The following CDSN variants were observed in gnomAD, a reference collection of about 807,000 sequenced individuals.
CDSN encodes corneodesmosin.
Under a neutral mutation model 25.6 loss-of-function variants are expected in CDSN, and 11 were observed. That is an observed-to-expected ratio of 0.43 (90% CI 0.27 to 0.71). The LOEUF (loss-of-function observed/expected upper bound fraction) is 0.71. Ranked by LOEUF, CDSN falls within the 30% of genes least tolerant of loss-of-function variation. CDSN has a pLI of 0.20. For missense variants in CDSN, 598 were observed against 670.9 expected (o/e 0.89, Z 1.20); for synonymous variants, 266 against 267.4 (o/e 0.99, Z 0.05).
At chr6:31,119,034 G>A (rs62400585) in intron 1 of CDSN, among the ~76,000 whole-genome samples, 3,779 of 151,816 alleles carry the variant, frequency 0.025, 68 homozygotes, top group East Asian at 0.066. Flanking sequence ...AGTAGAGAGG[G>A]GGTTTCACCA....
chr6:31,117,678 T>C, intron 1 of CDSN, 149 bp from the exon 2 acceptor site: 3 of 704,534 alleles, frequency 4.3e-6, no homozygotes, highest in Non-Finnish European at 5.0e-6. Context: ...AAGAACTGGC[T>C]ATTGTCTCTA....
chr6:31,115,406 G>A lies in CDSN; in HGVS notation c.*619C>T, dbSNP rs1235292620. ...CACTGAGGGAAGTGGCCACAGGAAGGGGCTGAGATAAGGGCCTTGAGAGGC... is the reference window on the plus strand; with the variant it reads ...CACTGAGGGAAGTGGCCACAGGAAGAGGCTGAGATAAGGGCCTTGAGAGGC... On this transcript the variant is annotated 3_prime_UTR_variant, in exon 2 of 2. Transcript: ENST00000376288. This position sits in a 1 kb window ranked among gnomAD's most constrained non-coding sequence, Gnocchi z 4.2. 5.8e-6 allele frequency: 1 copy of A among 173,016 alleles called. No individual in the cohort carries two copies. 10.7% of individuals were successfully genotyped at this position (173,016 alleles called of 1,614,324 possible). A position where few individuals can be genotyped will look rare whatever the true frequency, so the allele number is the denominator to read the frequency against.
At position 31,117,544 on chromosome 6, in the gene CDSN, A is replaced by C; in HGVS notation, c.86-15T>G. On this transcript the variant is annotated splice_polypyrimidine_tract_variant and intron_variant, in intron 1 of 1. Transcript: ENST00000376288. ...AGCCAAGGTCCCTGTGGAGGAAAGC[A>C]GTGGTTAGTAAGGGCCAAGGAGGCT... The C allele has an allele frequency of 6.5e-7, 1 of 1,549,004 alleles. No homozygotes were observed. The highest frequency in any genetic ancestry group is 8.7e-7 in the Non-Finnish European group (1 of 1,146,748).
Position 31,117,511 on chromosome 6 carries a change from A to C in CDSN, c.104T>G (p.Ile35Ser), listed in dbSNP as rs773099711. 7.1e-6 allele frequency: 11 copies of C among 1,550,690 alleles called. No individual in the cohort carries two copies. The highest frequency in any genetic ancestry group is 8.7e-6 in the Non-Finnish European group (10 of 1,147,314). ...LLLPGTLAKS[I>S]GTFSDPCKDP... ...CTTACAAGGGTCTGAGAAGGTGCCA[A>C]TGCTCTTAGCCAAGGTCCCTGTGGA... The change falls in exon 2 of 2, where the codon ATT becomes AGT. Residue 35 changes from isoleucine (I) to serine (S), a missense_variant. Physicochemically the swap from Ile to Ser is moderately radical, Grantham distance 142 (BLOSUM62 -2). Transcript: ENST00000376288.
intron 1 of CDSN, among the ~76,000 whole-genome samples, chr6:31,119,991 G>C (rs561755946): frequency 6.6e-6 from 1 of 152,108 alleles, no homozygotes; most frequent in Non-Finnish European, 1.5e-5. Flanking sequence ...CTCTAAAAAT[G>C]ATATTATTAC....
chr6:31,116,196 GC>G lies in CDSN; in HGVS notation c.1418del (p.Gly473AlafsTer31), dbSNP rs755064204. ...SSLTLTGGPD[G>X]SPHPDPSAGA... ...CAGCGGAGGGATCAGGATGGGGAGA[GC>G]CATCGGGGCCCCCAGTCAGTGTCAA... On this transcript the variant is annotated frameshift_variant, in exon 2 of 2. Transcript: ENST00000376288. LOFTEE classifies it high-confidence loss of function. 1.9e-6 allele frequency: 3 copies of G among 1,613,676 alleles called. No homozygotes were observed. The South Asian group carries it at 3.3e-5, about 18-fold the overall frequency.
At chr6:31,119,136 G>T (rs537069486) in intron 1 of CDSN, among the ~76,000 whole-genome samples, 3 of 152,174 alleles carry the variant, frequency 2.0e-5, no homozygotes, top group South Asian at 2.1e-4. Context: ...AAGCTATCAT[G>T]TGCGGCCAGA....
chr6:31,117,919 A>C, intron 1 of CDSN: 1 of 229,230 alleles, frequency 4.4e-6, no homozygotes, highest in Non-Finnish European at 8.6e-6. Context: ...GGCAACATAG[A>C]CCCCGTCTGT....
In CDSN at chr6:31,120,280, C is replaced by T. The variant is rs1485475167; in HGVS notation, c.85+55G>A. The T allele has an allele frequency of 2.9e-6, 4 of 1,373,736 alleles. No individual in the cohort carries two copies. The South Asian group carries it at 3.7e-5, about 13-fold the overall frequency. 85.1% of individuals were successfully genotyped at this position (1,373,736 alleles called of 1,614,324 possible). On this transcript the variant is annotated intron_variant, in intron 1 of 1. Coordinates refer to ENST00000376288, the MANE Select transcript of CDSN (RefSeq NM_001264.5). ...CTGCCTGTCCCCTTCGCTGGGTCCT[C>T]TCCCGGAGTCTCCCTCCCGCCTCCC...
In CDSN at chr6:31,117,326, T is replaced by A. The variant is rs1189169278; in HGVS notation, c.289A>T (p.Ile97Phe). The change falls in exon 2 of 2, where the codon ATT becomes TTT. Residue 97 changes from isoleucine (I) to phenylalanine (F), a missense_variant. Coordinates refer to ENST00000376288, the MANE Select transcript of CDSN (RefSeq NM_001264.5). ...GATCCTGCAGAACCACCCTGGGCAA[T>A]GCTGGATCCGCTGGAGCTACCACTG... The part of the protein sequence containing the change: ...GSSGSSSGSS[I>F]AQGGSAGSFK... 10 of 1,581,358 alleles carry A rather than the reference T, an allele frequency of 6.3e-6. No homozygotes were observed. The highest frequency in any genetic ancestry group is 6.0e-6 in the Non-Finnish European group (7 of 1,163,636).
rs759331023 is a variant in CDSN, at chr6:31,116,916, G to A, written c.699C>T (p.Val233=). 6.2e-7 allele frequency: 1 copy of A among 1,614,048 alleles called. No individual in the cohort carries two copies. Among genetic ancestry groups the A allele is most frequent in the African/African-American group, 1.3e-5 (1 of 74,936 alleles). ...PDSPCSGGPI[V]SHSGPYIPSS... is the part of the protein sequence containing the mutation. The stretch of plus-strand genomic sequence containing the variant: ...TGGGGATGTAGGGGCCGGAGTGCGA[G>A]ACGATGGGCCCTCCACTGCAGGGAG... The change falls in exon 2 of 2, where the codon GTC becomes GTT. Residue 233 remains valine, a synonymous_variant. Transcript: ENST00000376288.
rs1257325672 is a variant in CDSN, at chr6:31,116,461, G to A, written c.1154C>T (p.Thr385Met). Residue 385 changes from threonine (T) to methionine (M), a missense_variant, in exon 2 of 2, where the codon ACG becomes ATG. Transcript: ENST00000376288. Reference sequence around the variant, plus strand: ...GGGAGAGCAGGGTCCCTTGGAGCCCGTGGAGCCGCCTCCACAGAGCTGGAC... The same window carrying A: ...GGGAGAGCAGGGTCCCTTGGAGCCCATGGAGCCGCCTCCACAGAGCTGGAC... ...GGVQLCGGGS[T>M]GSKGPCSPSS... 10 of 1,595,452 alleles carry A rather than the reference G, an allele frequency of 6.3e-6. No individual in the cohort carries two copies. Among genetic ancestry groups the A allele is most frequent in the African/African-American group, 1.3e-5 (1 of 74,618 alleles).
chr6:31,116,989 T>G lies in CDSN; in HGVS notation c.626A>C (p.Gln209Pro), dbSNP rs1772174162. The change falls in exon 2 of 2, where the codon CAA becomes CCA. Residue 209 changes from glutamine to proline, a missense_variant. Gln to Pro is a moderately conservative substitution (Grantham distance 76). Coordinates refer to ENST00000376288, the MANE Select transcript of CDSN (RefSeq NM_001264.5). ...SQTFGVSSSGQSVSSNQRPCS... is the reference protein window; with the variant it reads ...SQTFGVSSSGPSVSSNQRPCS... The stretch of plus-strand genomic sequence containing the variant: ...GGGACGCTGGTTGGAGCTGACGCTT[T>G]GGCCACTGCTGGATACCCCAAAGGT... 1 of 1,614,088 alleles carries G rather than the reference T, an allele frequency of 6.2e-7. No homozygotes were observed.
rs765082620 is a variant in CDSN at position 31,116,919 on chromosome 6, G to C, written c.696C>G (p.Ile232Met). 36 of 1,614,128 alleles carry C rather than the reference G, an allele frequency of 2.2e-5. No individual in the cohort carries two copies. The highest frequency in any genetic ancestry group is 2.8e-5 in the Non-Finnish European group (33 of 1,179,980). Residue 232 changes from isoleucine to methionine, a missense_variant, in exon 2 of 2, where the codon ATC becomes ATG. By Grantham distance (10) the Ile-to-Met change is conservative. Coordinates refer to ENST00000376288, the MANE Select transcript of CDSN (RefSeq NM_001264.5). The part of the protein sequence containing the change: ...IPDSPCSGGP[I>M]VSHSGPYIPS... The stretch of plus-strand genomic sequence containing the variant: ...GGATGTAGGGGCCGGAGTGCGAGAC[G>C]ATGGGCCCTCCACTGCAGGGAGAGT...
chr6:31,119,229 A>G (rs907861974), intron 1 of CDSN, among the ~76,000 whole-genome samples: 21 of 152,126 alleles, frequency 1.4e-4, no homozygotes, highest in African/African-American at 4.8e-4. Flanking sequence ...CCAGACTGCC[A>G]TCCTCTGTGA....
At position 31,117,478 on chromosome 6, in the gene CDSN, G is replaced by A. The variant is rs1280456389; in HGVS notation, c.137C>T (p.Thr46Met). 13 of 1,552,888 alleles carry A rather than the reference G, an allele frequency of 8.4e-6. No individual in the cohort carries two copies. The highest frequency in any genetic ancestry group is 1.7e-4 in the Middle Eastern group (1 of 5,996). The part of the protein sequence containing the change: ...GTFSDPCKDP[T>M]RITSPNDPCL... ...GGGGTCGTTAGGGGAGGTGATACGC[G>A]TGGGGTCCTTACAAGGGTCTGAGAA... Residue 46 changes from threonine (T) to methionine (M), a missense_variant, in exon 2 of 2, where the codon ACG (threonine) becomes ATG (methionine). Physicochemically the swap from Thr to Met is moderately conservative, Grantham distance 81. Coordinates refer to ENST00000376288, the MANE Select transcript of CDSN (RefSeq NM_001264.5).
At position 31,115,905 on chromosome 6, in the gene CDSN, C is replaced by A; in HGVS notation, c.*120G>T. Reference sequence around the variant, plus strand: ...GGGTAGTGGAGAAAGCAGAACCACTCTTTTGGGAAGGAGGGAAACTGAGCT... The same window carrying A: ...GGGTAGTGGAGAAAGCAGAACCACTATTTTGGGAAGGAGGGAAACTGAGCT... On this transcript the variant is annotated 3_prime_UTR_variant, in exon 2 of 2. Transcript: ENST00000376288. The surrounding 1 kb of genome is among the most constrained non-coding windows in gnomAD (Gnocchi z 4.2). 1.1e-6 allele frequency: 1 copy of A among 883,096 alleles called. No homozygotes were observed. The highest frequency in any genetic ancestry group is 1.8e-6 in the Non-Finnish European group (1 of 542,908). The allele number at this position is 883,096 out of a possible 1,614,324, so 54.7% of individuals were successfully genotyped here.
At position 31,116,250 on chromosome 6, in the gene CDSN, A is replaced by T; in HGVS notation, c.1365T>A (p.Ser455=). 6.2e-7 allele frequency: 1 copy of T among 1,614,076 alleles called. No individual in the cohort carries two copies. Among genetic ancestry groups the T allele is most frequent in the Non-Finnish European group, 8.5e-7 (1 of 1,179,968 alleles). Reference sequence around the variant, plus strand: ...AGGAGACAGACATGCAAGGGTGACCAGAAGAGCTGGACTTGCTGCCACAAG... The same window carrying T: ...AGGAGACAGACATGCAAGGGTGACCTGAAGAGCTGGACTTGCTGCCACAAG... ...LQPCGSKSSS[S]GHPCMSVSSL... The change falls in exon 2 of 2, where the codon TCT becomes TCA. Residue 455 remains serine (S), a synonymous_variant. Transcript: ENST00000376288.
rs1772144513 is a variant in CDSN at position 31,116,650 on chromosome 6, C to A, written c.965G>T (p.Gly322Val). ...TYSKGKIYPVGYFTKENPVKG... is the reference protein window; with the variant it reads ...TYSKGKIYPVVYFTKENPVKG... ...CACAGGGTTCTCTTTGGTGAAGTAGCCCACAGGGTAGATTTTACCCTTACT... is the reference window on the plus strand; with the variant it reads ...CACAGGGTTCTCTTTGGTGAAGTAGACCACAGGGTAGATTTTACCCTTACT... Residue 322 changes from glycine (G) to valine (V), a missense_variant, in exon 2 of 2, where the codon GGC becomes GTC. Transcript: ENST00000376288. The A allele has an allele frequency of 6.2e-7, 1 of 1,612,760 alleles. No homozygotes were observed. Among genetic ancestry groups the A allele is most frequent in the South Asian group, 1.1e-5 (1 of 91,092 alleles).
Sources: gnomAD v4.1 joint callset for allele counts (sites outside exome capture counted in the v4.1 genomes callset) on GRCh38, gnomAD v4.1.1 for gene constraint, Gnocchi (gnomAD v3.1) non-coding constraint, MANE v1.5 for transcripts, NCBI Gene and HGNC (gene_info 2026-07-23, HGNC 2026-07-21) for gene names.